The following EPN2 variants were observed in gnomAD, a reference collection of about 807,000 sequenced individuals.
EPN2 encodes the protein epsin-2.
EPN2 carries 34 observed loss-of-function variants against 61.7 expected under a neutral mutation model. The ratio of observed to expected loss-of-function variants is 0.55; its 90% CI spans 0.42 to 0.73. EPN2 has a LOEUF of 0.73. Among genes scored for constraint, EPN2 ranks in the 30% least tolerant of loss-of-function variants. EPN2 has a pLI of 0.00. For missense variants in EPN2, 714 were observed against 839.2 expected (o/e 0.85, Z 1.84); for synonymous variants, 349 against 353.6 (o/e 0.99, Z 0.15).
At chr17:19,250,220 G>A (rs2136306) in intron 1 of EPN2, among the ~76,000 whole-genome samples, 6,072 of 151,714 alleles carry the variant, frequency 0.04, 521 homozygotes, top group East Asian at 0.27. Context: ...TCAGCCTCCC[G>A]AGTAGCTGGG....
Position 19,312,115 on chromosome 17 carries a change from G to A in EPN2, c.943G>A (p.Asp315Asn), listed in dbSNP as rs982807891. ...GATGGCCCTGGAAGAAAGCCGAAGGGACACAGTTAAAATTCCAAAAAAGAA... is the reference window on the plus strand; with the variant it reads ...GATGGCCCTGGAAGAAAGCCGAAGGAACACAGTTAAAATTCCAAAAAAGAA... ...LQMALEESRR[D>N]TVKIPKKKEH... The change falls in exon 6 of 11, where the codon GAC becomes AAC. Residue 315 changes from aspartate (D) to asparagine (N), a missense_variant. Around this residue, in one of 2 missense-constraint regions of EPN2, gnomAD observed 410 missense variants for 421.8 expected, o/e 0.97. Coordinates refer to ENST00000314728, the MANE Select transcript of EPN2 (RefSeq NM_014964.5). The A allele has an allele frequency of 6.2e-7, 1 of 1,614,084 alleles. No individual in the cohort carries two copies. Among genetic ancestry groups the A allele is most frequent in the Non-Finnish European group, 8.5e-7 (1 of 1,179,928 alleles).
intron 7 of EPN2, among the ~76,000 whole-genome samples, chr17:19,325,423 G>T (rs995697005): frequency 1.3e-5 from 2 of 152,180 alleles, no homozygotes; most frequent in Admixed American, 6.5e-5. Context: ...TTGTTTGCAA[G>T]AACCAACTCA....
At chr17:19,308,856 C>T (rs1905982961) in intron 4 of EPN2, among the ~76,000 whole-genome samples, 1 of 152,186 alleles carries the variant, frequency 6.6e-6, no homozygotes, top group African/African-American at 2.4e-5. Context: ...CCCCAGCACC[C>T]AGCACCATGG....
intron 1 of EPN2, among the ~76,000 whole-genome samples, chr17:19,253,440 G>T (rs1334183349): frequency 1.4e-5 from 2 of 145,190 alleles, no homozygotes; most frequent in Non-Finnish European, 3.0e-5. Context: ...TTTGATACAG[G>T]GTCTCACTCT....
intron 1 of EPN2, among the ~76,000 whole-genome samples, chr17:19,240,710 A>C (rs2044875048): frequency 6.6e-6 from 1 of 152,110 alleles, no homozygotes; most frequent in Admixed American, 6.6e-5. Flanking sequence ...TTTCTCTGCT[A>C]TCCTACCTTC....
intron 4 of EPN2, among the ~76,000 whole-genome samples, chr17:19,287,225 A>G (rs994988901): frequency 5.9e-5 from 9 of 151,814 alleles, no homozygotes; most frequent in African/African-American, 1.5e-4. Flanking sequence ...CTGCTTGGAT[A>G]TCGCTCCCAC....
chr17:19,244,316 A>G (rs1270528570), intron 1 of EPN2, among the ~76,000 whole-genome samples: 1 of 152,124 alleles, frequency 6.6e-6, no homozygotes, highest in Non-Finnish European at 1.5e-5. Flanking sequence ...AAAATGAGCC[A>G]GGTGTGGTGG....
At chr17:19,306,376 T>A (rs1174459988) in intron 4 of EPN2, 1 of 152,300 alleles carries the variant, frequency 6.6e-6, no homozygotes. Context: ...CCGTTGTGTG[T>A]AGCTCAGCTG....
chr17:19,238,372 A>G (rs1349727506), intron 1 of EPN2, among the ~76,000 whole-genome samples: 2 of 152,166 alleles, frequency 1.3e-5, no homozygotes. Context: ...GTCGGTGCCA[A>G]CAGGTTTTTG....
intron 7 of EPN2, among the ~76,000 whole-genome samples, chr17:19,325,234 C>T (rs1906815723): frequency 6.6e-6 from 1 of 152,160 alleles, no homozygotes; most frequent in Non-Finnish European, 1.5e-5. Context: ...AAGAATATTC[C>T]TAGTCATTGT....
intron 4 of EPN2, chr17:19,308,333 C>A: frequency 1.0e-6 from 1 of 974,114 alleles, no homozygotes; most frequent in Non-Finnish European, 1.2e-6. Flanking sequence ...CTCAGCCTCC[C>A]AAAGTGCTAG....
intron 1 of EPN2, among the ~76,000 whole-genome samples, chr17:19,260,212 A>G (rs1047187467): frequency 2.0e-5 from 3 of 152,132 alleles, no homozygotes; most frequent in Non-Finnish European, 4.4e-5. Context: ...TGAATCTGCT[A>G]CCTTATGATG....
rs187016330 is a variant in EPN2 at position 19,333,626 on chromosome 17, T to C, written c.1628-330T>C. 2.6e-5 allele frequency among the ~76,000 whole-genome samples: 4 copies of C among 152,236 alleles called. No homozygotes were observed. In the East Asian group the frequency reaches 7.7e-4, roughly 29 times the overall value. On this transcript the variant is annotated intron_variant, in intron 10 of 10. Coordinates refer to ENST00000314728, the MANE Select transcript of EPN2 (RefSeq NM_014964.5). ...AGCAAACAAAATGAGGGAGCAGTGG[T>C]AGCTGATGGCTGGTGAAGGTGTCCT... is the stretch of plus-strand genomic sequence containing the variant.
intron 7 of EPN2, among the ~76,000 whole-genome samples, chr17:19,322,433 G>T (rs1008186622): frequency 1.3e-5 from 2 of 152,086 alleles, no homozygotes; most frequent in African/African-American, 4.8e-5. Context: ...GGCCAAAAGT[G>T]AAAAAGGCCA....
intron 4 of EPN2, among the ~76,000 whole-genome samples, chr17:19,293,947 G>A (rs539277972): frequency 4.8e-4 from 73 of 152,058 alleles, no homozygotes; most frequent in Non-Finnish European, 8.7e-4. Flanking sequence ...AAAATTAGTC[G>A]GGTGTGGTGG....
At chr17:19,237,981 C>T (rs1008862367) in intron 1 of EPN2, among the ~76,000 whole-genome samples, 1 of 152,242 alleles carries the variant, frequency 6.6e-6, no homozygotes, top group Non-Finnish European at 1.5e-5. Flanking sequence ...CGCCAGCCCC[C>T]GTGCAGAGCC....
intron 10 of EPN2, among the ~76,000 whole-genome samples, 190 bp from the exon 11 acceptor site, chr17:19,333,763 TCTC>T (rs1266186696): frequency 6.6e-6 from 1 of 152,206 alleles, no homozygotes; most frequent in Non-Finnish European, 1.5e-5. Context: ...ACAGCCTCAA[TCTC>T]CTCATCCTTA....
chr17:19,256,399 A>G (rs903698799), intron 1 of EPN2, among the ~76,000 whole-genome samples: 24 of 149,212 alleles, frequency 1.6e-4, no homozygotes, highest in Non-Finnish European at 2.1e-4. Context: ...CAGTCTGGGC[A>G]ACATAGCAGG....
In EPN2 at chr17:19,285,340, C is replaced by G. The variant is rs565490495; in HGVS notation, c.596-280C>G. 6.6e-5 allele frequency among the ~76,000 whole-genome samples: 10 copies of G among 152,346 alleles called. No homozygotes were observed. In the South Asian group the frequency reaches 2.1e-3, roughly 32 times the overall value. On this transcript the variant is annotated intron_variant, in intron 3 of 10. Transcript: ENST00000314728. This position sits in a 1 kb window ranked among gnomAD's most constrained non-coding sequence, Gnocchi z 4.5. ...GATGCAGGAGCCTGGTTTGATCCAC[C>G]CCTCCTCCTCATACCGAGTCCAGGG...
Sources: gnomAD v4.1 joint callset for allele counts (sites outside exome capture counted in the v4.1 genomes callset) on GRCh38, gnomAD v4.1.1 for gene constraint, gnomAD v4.1.1 regional missense constraint, Gnocchi (gnomAD v3.1) non-coding constraint, MANE v1.5 for transcripts, NCBI Gene and HGNC (gene_info 2026-07-23, HGNC 2026-07-21) for gene names.